Variants in PDXK observed in about 807,000 individuals in gnomAD.
PDXK encodes the protein pyridoxal kinase.
PDXK carries 15 observed loss-of-function variants against 43.2 expected under a neutral mutation model. The ratio of observed to expected loss-of-function variants is 0.35; its 90% CI spans 0.23 to 0.53. PDXK has a LOEUF of 0.53. PDXK is among the 20% of genes least tolerant of loss of function. PDXK has a pLI of 0.92. For missense variants in PDXK, 343 were observed against 417.0 expected (o/e 0.82, Z 1.54); for synonymous variants, 172 against 165.4 (o/e 1.04, Z -0.31).
At chr21:43,749,135 G>A (rs1011558116) in intron 6 of PDXK, 55 bp downstream of exon 6, 3 of 1,110,760 alleles carry the variant, frequency 2.7e-6, no homozygotes, top group Admixed American at 1.9e-5. Context: ...GATGGGTCTC[G>A]CTCTTGTCAC....
Position 43,753,575 on chromosome 21 carries a change from C to A in PDXK, c.623-8C>A. On this transcript the variant is annotated splice_polypyrimidine_tract_variant and splice_region_variant and intron_variant, in intron 8 of 10. Transcript: ENST00000291565. ...ATCTCAGTGACCTTGCCCATCTTCT[C>A]CCCCTAGGGAATCCCGCTGGCTCCG... is the stretch of plus-strand genomic sequence containing the variant. 6.2e-7 allele frequency: 1 copy of A among 1,607,898 alleles called. No individual in the cohort carries two copies. Among genetic ancestry groups the A allele is most frequent in the East Asian group, 2.2e-5 (1 of 44,710 alleles).
rs940389727 is a variant in PDXK at position 43,723,059 on chromosome 21, C to T, written c.87+3678C>T. On this transcript the variant is annotated intron_variant, in intron 1 of 10. Transcript: ENST00000291565. This position sits in a 1 kb window ranked among gnomAD's most constrained non-coding sequence, Gnocchi z 4.1. Reference sequence around the variant, plus strand: ...TTCACCGTGTTAGCCAGGATGGTCTCAATCTCCTGACCTCGTGATCCGCCC... The same window carrying T: ...TTCACCGTGTTAGCCAGGATGGTCTTAATCTCCTGACCTCGTGATCCGCCC... 2.0e-5 allele frequency among the ~76,000 whole-genome samples: 3 copies of T among 151,838 alleles called. No individual in the cohort carries two copies. The highest frequency in any genetic ancestry group is 2.0e-4 in the Admixed American group (3 of 15,246).
In PDXK at chr21:43,755,898, A is replaced by G. The variant is rs35434887; in HGVS notation, c.827-53A>G. 5.7e-4 allele frequency: 844 copies of G among 1,477,302 alleles called. 7 individuals carry two copies. The African/African-American group carries it at 0.011, about 19-fold the overall frequency. The allele number at this position is 1,477,302 out of a possible 1,614,324, so 91.5% of individuals were successfully genotyped here. A position where few individuals can be genotyped will look rare whatever the true frequency, so the allele number is the denominator to read the frequency against. ...GACCTCACCTCTGGGAGTGGGGGCAACAGCGGGAGCCCCTCTGAGATGGGA... is the reference window on the plus strand; with the variant it reads ...GACCTCACCTCTGGGAGTGGGGGCAGCAGCGGGAGCCCCTCTGAGATGGGA... On this transcript the variant is annotated intron_variant, in intron 10 of 10. Coordinates refer to ENST00000291565, the MANE Select transcript of PDXK (RefSeq NM_003681.5).
chr21:43,719,484 C>T lies in PDXK; in HGVS notation c.87+103C>T. The T allele has an allele frequency of 3.8e-6, 5 of 1,319,570 alleles. No homozygotes were observed. The South Asian group carries it at 5.8e-5, about 15-fold the overall frequency. 81.7% of individuals were successfully genotyped at this position (1,319,570 alleles called of 1,614,324 possible). ...TTCCCCGAGGGAGGCTCGGGAGCTG[C>T]GGGCAGAGCCTGGCGCGGGCGCCCT... On this transcript the variant is annotated intron_variant, in intron 1 of 10. Coordinates refer to ENST00000291565, the MANE Select transcript of PDXK (RefSeq NM_003681.5).
At chr21:43,733,267 C>G (rs2083349044) in intron 1 of PDXK, among the ~76,000 whole-genome samples, 2 of 132,300 alleles carry the variant, frequency 1.5e-5, no homozygotes, top group African/African-American at 2.8e-5. Context: ...CCCCCCCCGC[C>G]CCCCCCGCCC....
rs2083909772 is a variant in PDXK at position 43,760,083 on chromosome 21, C to T, written c.*4020C>T. ...GCCTGTATGGCCCTGTAGCCCTGGG[C>T]AGAGCTGGGCCTGTCGTGTGTTCCT... On this transcript the variant is annotated 3_prime_UTR_variant, in exon 11 of 11. Transcript: ENST00000291565. 6.5e-6 allele frequency: 1 copy of T among 153,812 alleles called. No homozygotes were observed. The highest frequency in any genetic ancestry group is 2.4e-5 in the African/African-American group (1 of 41,458). The allele number at this position is 153,812 out of a possible 1,614,324, so 9.5% of individuals were successfully genotyped here. A position where few individuals can be genotyped will look rare whatever the true frequency, so the allele number is the denominator to read the frequency against.
At chr21:43,719,683 C>G (rs1359841454) in intron 1 of PDXK, 2 of 985,326 alleles carry the variant, frequency 2.0e-6, no homozygotes, top group Non-Finnish European at 2.4e-6. Flanking sequence ...CCCCTTCCCG[C>G]CGACCGGGCC....
intron 8 of PDXK, among the ~76,000 whole-genome samples, chr21:43,752,948 G>A (rs567606596): frequency 1.3e-4 from 20 of 152,310 alleles, no homozygotes; most frequent in Middle Eastern, 3.4e-3. Context: ...ACACCACCTG[G>A]TTGATTTTCT....
Position 43,732,783 on chromosome 21 carries a change from C to T in PDXK, c.88-1286C>T, listed in dbSNP as rs540024871. On this transcript the variant is annotated intron_variant, in intron 1 of 10. Transcript: ENST00000291565. The surrounding 1 kb of genome is among the most constrained non-coding windows in gnomAD (Gnocchi z 4.1). ...TGTTTTTTGAGACATATTCTCACTC[C>T]GTCACCCAGGCTAGAGTGCAGTGGT... The T allele has an allele frequency of 4.0e-5, 24 of 600,194 alleles. No individual in the cohort carries two copies. Among genetic ancestry groups the T allele is most frequent in the Admixed American group, 1.2e-4 (4 of 34,190 alleles). 37.2% of individuals were successfully genotyped at this position (600,194 alleles called of 1,614,324 possible). A position where few individuals can be genotyped will look rare whatever the true frequency, so the allele number is the denominator to read the frequency against.
chr21:43,751,131 CAA>C (rs1473579086), intron 7 of PDXK, among the ~76,000 whole-genome samples: 1 of 152,216 alleles, frequency 6.6e-6, no homozygotes, highest in African/African-American at 2.4e-5. Context: ...GCAGTTTCTT[CAA>C]AGTCCTTTTT....
rs2083810364 is a variant in PDXK at position 43,754,423 on chromosome 21, G to A, written c.759+704G>A. On this transcript the variant is annotated intron_variant, in intron 9 of 10. Coordinates refer to ENST00000291565, the MANE Select transcript of PDXK (RefSeq NM_003681.5). This position sits in a 1 kb window ranked among gnomAD's most constrained non-coding sequence, Gnocchi z 5.5. ...GACAGAGGAGTTTTGTTGCAACTGT[G>A]GCGCTCAGATCCGTGACCTCCCGTG... Among the ~76,000 whole-genome samples the A allele has an allele frequency of 6.6e-6, 1 of 152,170 alleles. No individual in the cohort carries two copies. The highest frequency in any genetic ancestry group is 1.5e-5 in the Non-Finnish European group (1 of 68,008).
chr21:43,756,549 C>CAT lies in PDXK; in HGVS notation c.*488_*489dup. On this transcript the variant is annotated 3_prime_UTR_variant, in exon 11 of 11. Transcript: ENST00000291565. ...CAAGTATCTTTACTGTCATTCTGAC[C>CAT]ATAGCCTCTTTGTTCCCGCATTCGA... 6.5e-6 allele frequency: 1 copy of CAT among 155,000 alleles called. No homozygotes were observed. The highest frequency in any genetic ancestry group is 1.4e-5 in the Non-Finnish European group (1 of 69,838). The allele number at this position is 155,000 out of a possible 1,614,324, so 9.6% of individuals were successfully genotyped here. A position where few individuals can be genotyped will look rare whatever the true frequency, so the allele number is the denominator to read the frequency against.
Position 43,732,651 on chromosome 21 carries a change from A to C in PDXK, c.88-1418A>C, listed in dbSNP as rs201305288. 1.3e-6 allele frequency: 1 copy of C among 779,494 alleles called. No individual in the cohort carries two copies. Among genetic ancestry groups the C allele is most frequent in the Non-Finnish European group, 2.4e-6 (1 of 418,210 alleles). 48.3% of individuals were successfully genotyped at this position (779,494 alleles called of 1,614,324 possible). A position where few individuals can be genotyped will look rare whatever the true frequency, so the allele number is the denominator to read the frequency against. On this transcript the variant is annotated intron_variant, in intron 1 of 10. Coordinates refer to ENST00000291565, the MANE Select transcript of PDXK (RefSeq NM_003681.5). The surrounding 1 kb of genome is among the most constrained non-coding windows in gnomAD (Gnocchi z 4.1). ...AATATCTGTTTCTTCACAGTCGGTT[A>C]GAATTTTAAAGGATTTGAAATACTG...
At chr21:43,728,874 C>T in intron 1 of PDXK, 2 of 985,604 alleles carry the variant, frequency 2.0e-6, no homozygotes, top group South Asian at 9.4e-5. Flanking sequence ...GCAGGAAGTT[C>T]CCAGGAGGAA....
chr21:43,719,408 T>TACGTAACCCGAGCCC, intron 1 of PDXK, 27 bp downstream of exon 1: 2 of 1,509,722 alleles, frequency 1.3e-6, no homozygotes, highest in East Asian at 2.7e-5. Context: ...AGCCCGGGCT[T>TACGTAACCCGAGCCC]ACGTAACCCG....
chr21:43,752,422 C>T (rs1288757807), intron 7 of PDXK, 96 bp from the exon 8 acceptor site: 23 of 803,924 alleles, frequency 2.9e-5, no homozygotes, highest in Middle Eastern at 2.6e-4. Flanking sequence ...TGATGCTCCC[C>T]GTGCCACTGC....
intron 1 of PDXK, among the ~76,000 whole-genome samples, chr21:43,725,437 A>G (rs1353792049): frequency 6.6e-6 from 1 of 152,238 alleles, no homozygotes; most frequent in East Asian, 1.9e-4. Context: ...TCCTGGAAGA[A>G]TACCACCCTG....
At chr21:43,733,620 C>A (rs975324677) in intron 1 of PDXK, 1 of 1,040,786 alleles carries the variant, frequency 9.6e-7, no homozygotes, top group Non-Finnish European at 1.2e-6. Context: ...AGCCCTTGGC[C>A]TGACTTCTTC....
intron 7 of PDXK, 104 bp from the exon 8 acceptor site, chr21:43,752,414 A>G: frequency 1.3e-6 from 1 of 756,176 alleles, no homozygotes; most frequent in South Asian, 1.6e-5. Flanking sequence ...GCCGTGGCTG[A>G]TGCTCCCCGT....
Sources: allele counts gnomAD v4.1 joint callset (sites outside exome capture counted in the v4.1 genomes callset), GRCh38; gene constraint gnomAD v4.1.1; non-coding constraint Gnocchi (gnomAD v3.1); transcripts MANE v1.5; gene names NCBI Gene and HGNC (gene_info 2026-07-23, HGNC 2026-07-21).